The following ZP2 variants were observed in gnomAD, a reference collection of about 807,000 sequenced individuals.
The protein encoded by ZP2 is zona pellucida glycoprotein 2.
In ZP2, 51 loss-of-function variants were observed where a neutral mutation model predicts 84.0. The observed-to-expected ratio is 0.61, with a 90% CI of 0.49 to 0.77. The LOEUF is 0.77. ZP2 is among the 30% of genes least tolerant of loss of function. The pLI, the probability that ZP2 is intolerant of heterozygous loss-of-function variation, is 0.00. For missense variants in ZP2, 909 were observed against 911.9 expected, an observed-to-expected ratio of 1.00 and a Z score of 0.04; for synonymous variants, 375 against 330.9, an observed-to-expected ratio of 1.13 and a Z score of -1.45.
At chr16:21,204,247 CTTGA>C in intron 8 of ZP2, 36 bp from the exon 9 acceptor site, 1 of 1,613,940 alleles carries the variant, frequency 6.2e-7, no homozygotes, top group Non-Finnish European at 8.5e-7. Flanking sequence ...CATTACCAGC[CTTGA>C]TTAAGCTTCT....
intron 8 of ZP2, 22 bp downstream of exon 8, chr16:21,204,286 T>A: frequency 1.2e-6 from 2 of 1,613,892 alleles, no homozygotes; most frequent in South Asian, 2.2e-5. Flanking sequence ...CACACTGAGG[T>A]TGCAGCTATC....
intron 4 of ZP2, among the ~76,000 whole-genome samples, chr16:21,207,811 A>G (rs2093257231): frequency 6.6e-6 from 1 of 151,958 alleles, no homozygotes; most frequent in Non-Finnish European, 1.5e-5. Context: ...AGCCGAGATT[A>G]TGCCACTGCA....
chr16:21,197,530 G>C lies in ZP2; in HGVS notation c.2188C>G (p.Leu730Val). The C allele has an allele frequency of 6.2e-7, 1 of 1,614,040 alleles. No homozygotes were observed. The highest frequency in any genetic ancestry group is 8.5e-7 in the Non-Finnish European group (1 of 1,179,954). ...TCGTACAGGTAGTAGATGAAGCCTA[G>C]AGTTGCCACCACACCTGCAAAGGCA... The part of the protein sequence containing the change: ...VAAFAGVVAT[L>V]GFIYYLYEKR... The change falls in exon 19 of 19, where the codon CTA (leucine) becomes GTA (valine). Residue 730 changes from leucine (L) to valine (V), a missense_variant. By Grantham distance (32) the Leu-to-Val change is conservative (BLOSUM62 1). Transcript: ENST00000574091.
At chr16:21,200,295 G>A (rs1276645404) in intron 14 of ZP2, among the ~76,000 whole-genome samples, 1 of 152,132 alleles carries the variant, frequency 6.6e-6, no homozygotes, top group African/African-American at 2.4e-5. Context: ...AAAATTAGCT[G>A]GGCATGGTGG....
intron 9 of ZP2, 132 bp downstream of exon 9, chr16:21,203,898 C>A (rs1338853442): frequency 1.1e-6 from 1 of 916,014 alleles, no homozygotes; most frequent in African/African-American, 1.6e-5. Context: ...CAAATGAGGC[C>A]TTTTGGAGTT....
At chr16:21,205,379 G>T (rs773188772) in intron 7 of ZP2, 41 bp downstream of exon 7, 2 of 1,603,764 alleles carry the variant, frequency 1.2e-6, no homozygotes, top group South Asian at 2.2e-5. Flanking sequence ...AGGAATACTG[G>T]CCTGTGCTTT....
rs2093229220 is a variant in ZP2 at position 21,202,171 on chromosome 16, A to G, written c.1220T>C (p.Phe407Ser). ...RVGNSSCQPV[F>S]EAQSQGLVRF... ...TACCAGCCCCTGAGACTGAGCCTCA[A>G]AGACAGGCTGGCAGGATGAGTTTCC... is the stretch of plus-strand genomic sequence containing the variant. The change falls in exon 11 of 19, where the codon TTT becomes TCT. Residue 407 changes from phenylalanine to serine, a missense_variant. Physicochemically the swap from Phe to Ser is radical, Grantham distance 155. Coordinates refer to ENST00000574091, the MANE Select transcript of ZP2 (RefSeq NM_001376232.1). 1.2e-6 allele frequency: 2 copies of G among 1,602,220 alleles called. No individual in the cohort carries two copies. The highest frequency in any genetic ancestry group is 1.1e-5 in the South Asian group (1 of 88,434).
At chr16:21,211,739 C>A, upstream of ZP2, 2 of 1,488,634 alleles carry the variant, frequency 1.3e-6, no homozygotes, top group Admixed American at 2.1e-5. Context: ...GGTATTCTGC[C>A]AGCTGCCCTG....
At chr16:21,208,915 T>C (rs2093261857) in intron 4 of ZP2, among the ~76,000 whole-genome samples, 1 of 152,172 alleles carries the variant, frequency 6.6e-6, no homozygotes, top group African/African-American at 2.4e-5. Context: ...AAGGGCTCAC[T>C]TGGTGGAAAT....
intron 4 of ZP2, among the ~76,000 whole-genome samples, chr16:21,209,162 G>A (rs1054112587): frequency 2.0e-5 from 3 of 152,076 alleles, no homozygotes; most frequent in African/African-American, 7.2e-5. Context: ...AATGTCCCCT[G>A]GACAGATTCC....
At chr16:21,199,914 A>G (rs1413340021) in intron 14 of ZP2, 36 bp from the exon 15 acceptor site, 1 of 1,609,738 alleles carries the variant, frequency 6.2e-7, no homozygotes, top group African/African-American at 1.3e-5. Context: ...TGTCAGTCAT[A>G]TGCATCTTGG....
In ZP2 at chr16:21,201,392, G is replaced by C; in HGVS notation, c.1671C>G (p.Pro557=). ...ATSTMDPDSF[P]QWNVVVDGCA... ...ACCCATCCACGACAACGTTCCACTG[G>C]GGGAAAGAGTCTGGATCCATGGTGG... The change falls in exon 14 of 19, where the codon CCC becomes CCG. Residue 557 remains proline (P), a synonymous_variant. Transcript: ENST00000574091. 1 of 1,590,390 alleles carries C rather than the reference G, an allele frequency of 6.3e-7. No individual in the cohort carries two copies. Among genetic ancestry groups the C allele is most frequent in the Non-Finnish European group, 8.6e-7 (1 of 1,167,552 alleles).
At chr16:21,202,334 C>T (rs746909690) in intron 10 of ZP2, 43 bp from the exon 11 acceptor site, 1 of 1,459,824 alleles carries the variant, frequency 6.9e-7, no homozygotes, top group Non-Finnish European at 9.1e-7. Context: ...TTTGTCTGCC[C>T]TGTGATACTG....
intron 5 of ZP2, 49 bp downstream of exon 5, chr16:21,206,789 T>TC (rs1176124438): frequency 2.5e-6 from 4 of 1,609,490 alleles, no homozygotes. Context: ...ATCATCATAT[T>TC]CCCCCTGCAG....
rs202135737 is a variant in ZP2, at chr16:21,211,535, G to C, written c.13C>G (p.Gln5Glu). Residue 5 changes from glutamine (Q) to glutamate (E), a missense_variant, in exon 1 of 19, where the codon CAG (glutamine) becomes GAG (glutamate). Gln to Glu is a conservative substitution (Grantham distance 29). Transcript: ENST00000574091. MACR[Q>E]RGGSWSPSGW... is the part of the protein sequence containing the mutation. ...GAGGGACTCCAAGAGCCTCCTCTCT[G>C]CCTGCACGCCATAGCAGAAGACACT... The C allele has an allele frequency of 1.7e-4, 269 of 1,614,038 alleles. No individual in the cohort carries two copies. Among genetic ancestry groups the C allele is most frequent in the Non-Finnish European group, 2.1e-4 (246 of 1,180,034 alleles).
chr16:21,212,233 C>G (rs2093278325), upstream of ZP2, among the ~76,000 whole-genome samples: 1 of 152,144 alleles, frequency 6.6e-6, no homozygotes, highest in Non-Finnish European at 1.5e-5. Context: ...ACCCTAAAAC[C>G]TTTTAAGTAA....
intron 4 of ZP2, among the ~76,000 whole-genome samples, chr16:21,208,903 G>C (rs1387788187): frequency 6.6e-6 from 1 of 152,204 alleles, no homozygotes; most frequent in Non-Finnish European, 1.5e-5. Context: ...AAACAGGCTT[G>C]AAAGGGCTCA....
chr16:21,206,717 G>C, intron 5 of ZP2, 121 bp downstream of exon 5: 3 of 1,333,602 alleles, frequency 2.2e-6, no homozygotes, highest in Non-Finnish European at 3.1e-6. Flanking sequence ...TCATCACACA[G>C]AAAATTAGCA....
chr16:21,211,213 G>T (rs2093273486), intron 2 of ZP2, 94 bp downstream of exon 2: 3 of 1,091,296 alleles, frequency 2.7e-6, no homozygotes, highest in Non-Finnish European at 4.2e-6. Context: ...AATGGAGGTT[G>T]TCTGAGCCAG....
Sources: gnomAD v4.1 joint callset for allele counts (sites outside exome capture counted in the v4.1 genomes callset) on GRCh38, gnomAD v4.1.1 for gene constraint, MANE v1.5 for transcripts, NCBI Gene and HGNC (gene_info 2026-07-23, HGNC 2026-07-21) for gene names.